ANKRD18A: variants seen among roughly 807,000 people sequenced by gnomAD.
The protein encoded by ANKRD18A is ankyrin repeat domain-containing protein 18A.
A neutral mutation model predicts 110.6 loss-of-function variants in ANKRD18A; 72 were observed. The ratio of observed to expected loss-of-function variants is 0.65; its 90% CI spans 0.54 to 0.79. The LOEUF (loss-of-function observed/expected upper bound fraction) is 0.79, where lower values mean the gene tolerates loss of function less well. ANKRD18A is among the 30% of genes least tolerant of loss of function. The pLI, the probability that ANKRD18A is intolerant of heterozygous loss-of-function variation, is 0.00. For synonymous variants in ANKRD18A, 305 were observed against 410.3 expected, an observed-to-expected ratio of 0.74 and a Z score of 3.10; for missense variants, 934 against 1,163.3, an observed-to-expected ratio of 0.80 and a Z score of 2.87.
chr9:38,590,755 C>T (rs1824609681), intron 10 of ANKRD18A, among the ~76,000 whole-genome samples: 1 of 152,098 alleles, frequency 6.6e-6, no homozygotes, highest in Admixed American at 6.6e-5. Context: ...CGAGATTCTT[C>T]ATCTCAGAAT....
chr9:38,620,151 G>T lies in ANKRD18A; in HGVS notation c.135C>A (p.Gly45=), dbSNP rs747413160. ...GGCAGCGCTCCACCTCCGCGGCGTC[G>T]CCCTTGATGGCAGCCCTGTGGATCT... ...LRKIHRAAIK[G]DAAEVERCLT... Residue 45 remains glycine (G), a synonymous_variant, in exon 1 of 16, where the codon GGC becomes GGA. Transcript: ENST00000399703. The T allele has an allele frequency of 3.8e-6, 6 of 1,569,108 alleles. No homozygotes were observed. The highest frequency in any genetic ancestry group is 4.3e-6 in the Non-Finnish European group (5 of 1,157,088).
At chr9:38,610,783 A>G (rs965054039) in intron 4 of ANKRD18A, among the ~76,000 whole-genome samples, 2 of 152,040 alleles carry the variant, frequency 1.3e-5, no homozygotes, top group Non-Finnish European at 2.9e-5. Context: ...TGTAATTCAA[A>G]GTCAGCTAGG....
intron 10 of ANKRD18A, among the ~76,000 whole-genome samples, chr9:38,589,201 T>C (rs1001339609): frequency 2.0e-5 from 3 of 152,364 alleles, no homozygotes; most frequent in Admixed American, 1.3e-4. Context: ...AAACAAAGTT[T>C]ATTTTTTCTA....
intron 5 of ANKRD18A, among the ~76,000 whole-genome samples, chr9:38,608,357 C>A (rs1825448774): frequency 6.6e-6 from 1 of 151,910 alleles, no homozygotes; most frequent in Non-Finnish European, 1.5e-5. Context: ...CAAAGCCCTG[C>A]TTGTATTGTT....
intron 10 of ANKRD18A, among the ~76,000 whole-genome samples, chr9:38,589,298 G>T (rs1201820811): frequency 6.6e-6 from 1 of 152,200 alleles, no homozygotes; most frequent in African/African-American, 2.4e-5. Context: ...ATGACACAGG[G>T]TCTCATCCAG....
At chr9:38,596,507 T>C in intron 8 of ANKRD18A, 104 bp from the exon 9 acceptor site, 10 of 1,037,548 alleles carry the variant, frequency 9.6e-6, no homozygotes, top group Non-Finnish European at 1.3e-5. Flanking sequence ...AATTAAAAGT[T>C]GCTGTAAGTG....
intron 7 of ANKRD18A, among the ~76,000 whole-genome samples, chr9:38,602,861 G>T (rs1825181053): frequency 6.6e-6 from 1 of 152,116 alleles, no homozygotes; most frequent in African/African-American, 2.4e-5. Flanking sequence ...ATAGTCACGG[G>T]GTCTGGCGAT....
At chr9:38,570,598 C>A (rs918843788), downstream of ANKRD18A, among the ~76,000 whole-genome samples, 4 of 152,266 alleles carry the variant, frequency 2.6e-5, no homozygotes, top group Non-Finnish European at 5.9e-5. Context: ...CAGGTCCCAA[C>A]TGACCAGGTC....
chr9:38,614,796 T>C (rs971877429), intron 3 of ANKRD18A, among the ~76,000 whole-genome samples: 2 of 152,214 alleles, frequency 1.3e-5, no homozygotes, highest in Non-Finnish European at 2.9e-5. Context: ...CACCTTCTCA[T>C]CAAGATATTC....
intron 9 of ANKRD18A, among the ~76,000 whole-genome samples, 193 bp from the exon 10 acceptor site, chr9:38,594,102 T>G (rs1229050176): frequency 6.6e-6 from 1 of 152,204 alleles, no homozygotes; most frequent in Non-Finnish European, 1.5e-5. Context: ...TCCTGCCAAA[T>G]TGGTATTCTC....
At chr9:38,585,849 C>G (rs1452113363) in intron 12 of ANKRD18A, among the ~76,000 whole-genome samples, 1 of 152,096 alleles carries the variant, frequency 6.6e-6, no homozygotes, top group Non-Finnish European at 1.5e-5. Flanking sequence ...TGAGATCATG[C>G]TTTTTGCAGG....
chr9:38,607,356 C>T (rs1225155225), intron 6 of ANKRD18A, 70 bp downstream of exon 6: 6 of 1,293,582 alleles, frequency 4.6e-6, no homozygotes, highest in Non-Finnish European at 5.2e-6. Flanking sequence ...CATGCCTGGC[C>T]TGTAATTTTG....
chr9:38,590,257 TTTCTTA>T (rs1311160312), intron 10 of ANKRD18A, among the ~76,000 whole-genome samples: 1 of 151,974 alleles, frequency 6.6e-6, no homozygotes, highest in East Asian at 1.9e-4. Context: ...TCTTTTTCTT[TTTCTTA>T]TTTATTTTTT....
chr9:38,571,034 A>G, downstream of ANKRD18A: 3 of 1,347,960 alleles, frequency 2.2e-6, no homozygotes, highest in Non-Finnish European at 2.9e-6. Flanking sequence ...CTGCAGGGAG[A>G]CTAATCAAGA....
chr9:38,615,588 C>T lies in ANKRD18A; in HGVS notation c.495+6G>A. ...CATTTTGAAAAGAAAGTTGATTGATCTGTACCTTGTTTAGTGCTTCAATAT... is the reference window on the plus strand; with the variant it reads ...CATTTTGAAAAGAAAGTTGATTGATTTGTACCTTGTTTAGTGCTTCAATAT... On this transcript the variant is annotated splice_donor_region_variant and intron_variant, in intron 3 of 15. Coordinates refer to ENST00000399703, the MANE Select transcript of ANKRD18A (RefSeq NM_147195.4). 2 of 1,588,738 alleles carry T rather than the reference C, an allele frequency of 1.3e-6. No individual in the cohort carries two copies. Among genetic ancestry groups the T allele is most frequent in the Non-Finnish European group, 8.5e-7 (1 of 1,170,014 alleles).
chr9:38,600,738 A>T (rs1281405957), intron 8 of ANKRD18A, among the ~76,000 whole-genome samples: 4 of 152,166 alleles, frequency 2.6e-5, no homozygotes, highest in Non-Finnish European at 5.9e-5. Flanking sequence ...TGCAGTTTGA[A>T]CCACCGGGAA....
At chr9:38,592,046 C>T (rs751955996) in intron 10 of ANKRD18A, among the ~76,000 whole-genome samples, 1 of 152,168 alleles carries the variant, frequency 6.6e-6, no homozygotes, top group African/African-American at 2.4e-5. Flanking sequence ...ACAGTTTTGG[C>T]TACATAGTGA....
intron 11 of ANKRD18A, among the ~76,000 whole-genome samples, chr9:38,586,625 C>T (rs892178616): frequency 1.3e-4 from 20 of 151,768 alleles, no homozygotes; most frequent in African/African-American, 3.4e-4. Context: ...AGTGTGATGG[C>T]GTGATCACGG....
At chr9:38,611,793 A>G (rs1334656732) in intron 3 of ANKRD18A, among the ~76,000 whole-genome samples, 2 of 152,214 alleles carry the variant, frequency 1.3e-5, no homozygotes, top group African/African-American at 2.4e-5. Flanking sequence ...TGTTTTACCG[A>G]AAGAACTGTA....
Sources: allele counts gnomAD v4.1 joint callset (sites outside exome capture counted in the v4.1 genomes callset), GRCh38; gene constraint gnomAD v4.1.1; transcripts MANE v1.5; gene names NCBI Gene and HGNC (gene_info 2026-07-23, HGNC 2026-07-21).